The following STAU2 variants were observed in gnomAD, a reference collection of about 807,000 sequenced individuals.
STAU2 encodes double-stranded RNA-binding protein Staufen homolog 2.
In STAU2, 20 loss-of-function variants were observed where a neutral mutation model predicts 65.9. That is an observed-to-expected ratio of 0.30 (90% confidence interval 0.21 to 0.44). STAU2 has a LOEUF of 0.44. STAU2 is among the 20% of genes least tolerant of loss of function. The pLI is 1.00. For synonymous variants in STAU2, 232 were observed against 233.9 expected (o/e 0.99, Z 0.07); for missense variants, 558 against 683.9 (o/e 0.82, Z 2.05).
In STAU2 at chr8:73,687,310, A is replaced by AATTTAT. The variant is rs1182837825; in HGVS notation, c.274+1338_274+1343dup. Reference sequence around the variant, plus strand: ...AATTTATATTTATATTTATAAATATAATTTATATTTATATTTATAAATATA... The same window carrying AATTTAT: ...AATTTATATTTATATTTATAAATATAATTTATATTTATATTTATATTTATAAATATA... On this transcript the variant is annotated intron_variant, in intron 5 of 14. Transcript: ENST00000524300. Among the ~76,000 whole-genome samples the AATTTAT allele has an allele frequency of 5.7e-4, 68 of 118,650 alleles. 1 individual carries two copies. Among genetic ancestry groups the AATTTAT allele is most frequent in the Non-Finnish European group, 9.3e-4 (54 of 57,998 alleles). 77.8% of individuals were successfully genotyped at this position (118,650 alleles called of 152,430 possible).
At chr8:73,665,071 G>GT (rs1450945176) in intron 6 of STAU2, among the ~76,000 whole-genome samples, 1 of 151,958 alleles carries the variant, frequency 6.6e-6, no homozygotes, top group Non-Finnish European at 1.5e-5. Flanking sequence ...CCTTGCTTTG[G>GT]TAACTTGTTC....
At chr8:73,508,141 T>C (rs2128922951) in intron 13 of STAU2, among the ~76,000 whole-genome samples, 1 of 152,326 alleles carries the variant, frequency 6.6e-6, no homozygotes. Context: ...CAAGAGCTTT[T>C]CTTCTGTACC....
chr8:73,699,895 C>T (rs552765724), intron 4 of STAU2, among the ~76,000 whole-genome samples: 3 of 143,356 alleles, frequency 2.1e-5, no homozygotes, highest in East Asian at 2.1e-4. Context: ...AGACCAATAC[C>T]TCTGATGAAT....
At chr8:73,563,191 A>C (rs887862544) in intron 12 of STAU2, among the ~76,000 whole-genome samples, 2 of 152,148 alleles carry the variant, frequency 1.3e-5, no homozygotes, top group Non-Finnish European at 2.9e-5. Flanking sequence ...ACTCTCCCCA[A>C]CTTCCCTGAT....
intron 8 of STAU2, 65 bp from the exon 9 acceptor site, chr8:73,614,021 C>T: frequency 1.5e-6 from 2 of 1,322,294 alleles, no homozygotes; most frequent in Non-Finnish European, 2.0e-6. Context: ...TAAAGTATGA[C>T]TTAATATTCA....
intron 13 of STAU2, among the ~76,000 whole-genome samples, chr8:73,529,464 A>G (rs370833439): frequency 7.9e-5 from 12 of 152,200 alleles, no homozygotes; most frequent in African/African-American, 2.7e-4. Flanking sequence ...GAAAGACATG[A>G]CAATCTCCTA....
chr8:73,466,077 T>C (rs146181091), intron 13 of STAU2, among the ~76,000 whole-genome samples: 66 of 152,350 alleles, frequency 4.3e-4, no homozygotes, highest in Non-Finnish European at 9.0e-4. Context: ...GCCCAGATGC[T>C]CTCATCTTAA....
intron 13 of STAU2, among the ~76,000 whole-genome samples, chr8:73,475,142 G>C (rs904524732): frequency 6.6e-6 from 1 of 152,170 alleles, no homozygotes. Context: ...GGATCATGGG[G>C]TGGGGGCTTC....
intron 6 of STAU2, chr8:73,672,535 G>A (rs1368514144): frequency 6.6e-6 from 1 of 152,036 alleles, no homozygotes; most frequent in Non-Finnish European, 1.5e-5. Context: ...TTTACTGTAT[G>A]TCTATCATAC....
At position 73,568,218 on chromosome 8, in the gene STAU2, G is replaced by A. The variant is rs181907489; in HGVS notation, c.1222+14552C>T. ...CAATTACTTGTACTCCATGTAGTAC[G>A]TGCAAGAAGATTACAGACCAAGTAC... On this transcript the variant is annotated intron_variant, in intron 12 of 14. Coordinates refer to ENST00000524300, the MANE Select transcript of STAU2 (RefSeq NM_001164380.2). 1.8e-4 allele frequency among the ~76,000 whole-genome samples: 27 copies of A among 152,280 alleles called. No individual in the cohort carries two copies. In the South Asian group the frequency reaches 3.1e-3, roughly 18 times the overall value.
intron 3 of STAU2, among the ~76,000 whole-genome samples, chr8:73,719,657 G>C (rs1821503418): frequency 6.6e-6 from 1 of 151,970 alleles, no homozygotes; most frequent in Non-Finnish European, 1.5e-5. Flanking sequence ...CACATTCCTG[G>C]GATAAACCCC....
At chr8:73,530,774 C>T (rs1805758319) in intron 13 of STAU2, among the ~76,000 whole-genome samples, 1 of 152,140 alleles carries the variant, frequency 6.6e-6, no homozygotes. Flanking sequence ...TGATCACTGC[C>T]TACCTCCATG....
At chr8:73,687,567 AT>A (rs59512962) in intron 5 of STAU2, among the ~76,000 whole-genome samples, 29,096 of 143,676 alleles carry the variant, frequency 0.2, 3,283 homozygotes, top group East Asian at 0.37. Flanking sequence ...ATTTTTTGTA[AT>A]TTTTTTTTTG....
intron 13 of STAU2, among the ~76,000 whole-genome samples, chr8:73,458,312 C>T (rs1819174972): frequency 6.6e-6 from 1 of 152,202 alleles, no homozygotes; most frequent in Non-Finnish European, 1.5e-5. Context: ...ACTTTGATCC[C>T]TGTTCAGTAT....
At chr8:73,445,549 ACT>A (rs1344453200) in intron 13 of STAU2, among the ~76,000 whole-genome samples, 1 of 152,218 alleles carries the variant, frequency 6.6e-6, no homozygotes, top group African/African-American at 2.4e-5. Context: ...TCTGTGAAAG[ACT>A]CTATAAGAGA....
intron 13 of STAU2, among the ~76,000 whole-genome samples, chr8:73,455,191 C>T (rs1017152245): frequency 2.0e-5 from 3 of 152,084 alleles, no homozygotes; most frequent in Admixed American, 6.6e-5. Context: ...GCCTCCTGCC[C>T]GCTCTGCTTG....
At chr8:73,726,010 T>G (rs971015087) in intron 3 of STAU2, among the ~76,000 whole-genome samples, 7 of 148,962 alleles carry the variant, frequency 4.7e-5, no homozygotes, top group Non-Finnish European at 1.0e-4. Context: ...GTGGTTAGGT[T>G]TTTTTTTTTT....
chr8:73,644,828 T>C (rs1043219858), intron 6 of STAU2, among the ~76,000 whole-genome samples: 1 of 152,022 alleles, frequency 6.6e-6, no homozygotes, highest in Non-Finnish European at 1.5e-5. Context: ...ACACAGAAAT[T>C]TGACAATTAG....
chr8:73,545,584 T>C lies in STAU2; in HGVS notation c.1530+6428A>G, dbSNP rs1806852140. 5.9e-5 allele frequency among the ~76,000 whole-genome samples: 9 copies of C among 152,108 alleles called. No homozygotes were observed. The South Asian group carries it at 1.9e-3, about 32-fold the overall frequency. Reference sequence around the variant, plus strand: ...CCCAAATGTGTTTACATATAAAATTTTACATTAGAATAAAATCTAAAGTCC... The same window carrying C: ...CCCAAATGTGTTTACATATAAAATTCTACATTAGAATAAAATCTAAAGTCC... On this transcript the variant is annotated intron_variant, in intron 13 of 14. Coordinates refer to ENST00000524300, the MANE Select transcript of STAU2 (RefSeq NM_001164380.2).
Sources: gnomAD v4.1 joint callset for allele counts (sites outside exome capture counted in the v4.1 genomes callset) on GRCh38, gnomAD v4.1.1 for gene constraint, MANE v1.5 for transcripts, NCBI Gene and HGNC (gene_info 2026-07-23, HGNC 2026-07-21) for gene names.